The following CLCN3 variants were observed in gnomAD, a reference collection of about 807,000 sequenced individuals.
CLCN3 encodes Cl-/H+ antiporter 3, also known as H(+)/Cl(-) exchange transporter 3.
A neutral mutation model predicts 83.4 loss-of-function variants in CLCN3; 16 were observed. The observed-to-expected ratio is 0.19, with a 90% confidence interval of 0.13 to 0.29. The LOEUF is 0.29. CLCN3 is among the 10% of genes least tolerant of loss of function. The probability of loss-of-function intolerance (pLI) is 1.00; values close to 1 mark genes in which losing one functional copy is unlikely to be tolerated. For synonymous variants in CLCN3, 322 were observed against 346.2 expected (o/e 0.93, Z 0.78); for missense variants, 544 against 1,006.0 (o/e 0.54, Z 6.21).
chr4:169,636,056 A>G lies in CLCN3; in HGVS notation c.128A>G (p.Asp43Gly), dbSNP rs1347716008. 1 of 1,612,824 alleles carries G rather than the reference A, an allele frequency of 6.2e-7. No individual in the cohort carries two copies. The highest frequency in any genetic ancestry group is 1.3e-5 in the African/African-American group (1 of 74,872). Residue 43 changes from aspartate (D) to glycine (G), a missense_variant, in exon 2 of 13, where the codon GAT (aspartate) becomes GGT (glycine). By Grantham distance (94) the Asp-to-Gly change is moderately conservative (BLOSUM62 -1). Coordinates refer to ENST00000513761, the MANE Select transcript of CLCN3 (RefSeq NM_001829.4). ...ATTATGGACTTTCAAACATCTGAAG[A>G]TGACAATTTATTAGATGGTGACACT... ...GVIMDFQTSE[D>G]DNLLDGDTAV...
intron 12 of CLCN3, among the ~76,000 whole-genome samples, chr4:169,718,967 A>G (rs1438736533): frequency 6.6e-6 from 1 of 152,220 alleles, no homozygotes; most frequent in African/African-American, 2.4e-5. Flanking sequence ...CCTGGCCTAA[A>G]TCAAAAAAAG....
intron 2 of CLCN3, among the ~76,000 whole-genome samples, chr4:169,654,047 T>C (rs551440736): frequency 6.6e-6 from 1 of 152,260 alleles, no homozygotes; most frequent in South Asian, 2.1e-4. Context: ...AAAACAATTT[T>C]TTACCCACTC....
chr4:169,666,999 G>T (rs1731267259), intron 2 of CLCN3, among the ~76,000 whole-genome samples: 1 of 152,166 alleles, frequency 6.6e-6, no homozygotes, highest in African/African-American at 2.4e-5. Context: ...ACATGGGAAA[G>T]ATTATTTTAA....
chr4:169,723,013 AT>A lies in CLCN3; in HGVS notation c.*3018del. 1 of 152,272 alleles carries A rather than the reference AT, an allele frequency of 6.6e-6. No homozygotes were observed. The highest frequency in any genetic ancestry group is 1.9e-4 in the East Asian group (1 of 5,184). 9.4% of individuals were successfully genotyped at this position (152,272 alleles called of 1,614,324 possible). A position where few individuals can be genotyped will look rare whatever the true frequency, so the allele number is the denominator to read the frequency against. ...GTGTCAGCATCTCTTCTTCTTAATA[AT>A]TAATTGTTTTCAGTTTTGGTTCACG... On this transcript the variant is annotated 3_prime_UTR_variant, in exon 13 of 13. Transcript: ENST00000513761.
At chr4:169,699,754 TG>T (rs748821316) in intron 9 of CLCN3, among the ~76,000 whole-genome samples, 4 of 151,810 alleles carry the variant, frequency 2.6e-5, no homozygotes, top group Non-Finnish European at 4.4e-5. Flanking sequence ...TGGTGGCAGG[TG>T]TCTGTAATCC....
chr4:169,624,507 G>A (rs1380593132), intron 1 of CLCN3, among the ~76,000 whole-genome samples: 1 of 152,090 alleles, frequency 6.6e-6, no homozygotes, highest in Non-Finnish European at 1.5e-5. Context: ...GACCTCATGT[G>A]ATCTGCCCAC....
intron 11 of CLCN3, among the ~76,000 whole-genome samples, chr4:169,708,383 T>C (rs1371530944): frequency 1.3e-5 from 2 of 152,160 alleles, no homozygotes; most frequent in Non-Finnish European, 2.9e-5. Flanking sequence ...GCTACAGCTT[T>C]GGATTTTTCA....
intron 2 of CLCN3, among the ~76,000 whole-genome samples, chr4:169,642,043 A>C (rs1730428762): frequency 6.6e-6 from 1 of 152,246 alleles, no homozygotes; most frequent in Admixed American, 6.5e-5. Flanking sequence ...TAAAATGTAG[A>C]TATGAGACCA....
At chr4:169,705,552 C>A (rs539586485) in intron 10 of CLCN3, among the ~76,000 whole-genome samples, 1 of 152,184 alleles carries the variant, frequency 6.6e-6, no homozygotes, top group Admixed American at 6.5e-5. Flanking sequence ...AGATAAAATG[C>A]ATGCAAAACT....
intron 1 of CLCN3, among the ~76,000 whole-genome samples, chr4:169,624,243 C>T (rs1773174819): frequency 1.3e-5 from 2 of 152,048 alleles, no homozygotes; most frequent in African/African-American, 4.8e-5. Flanking sequence ...AAGCGATTCT[C>T]ATGCCTCAGC....
chr4:169,671,679 C>T (rs753461430), intron 2 of CLCN3, among the ~76,000 whole-genome samples: 4 of 152,080 alleles, frequency 2.6e-5, no homozygotes, highest in African/African-American at 9.7e-5. Context: ...ACTGTAATAT[C>T]GAATCGTGTT....
At chr4:169,689,311 A>AT in intron 5 of CLCN3, 81 bp downstream of exon 5, 1 of 1,208,772 alleles carries the variant, frequency 8.3e-7, no homozygotes, top group Non-Finnish European at 1.2e-6. Flanking sequence ...AGAACTAATC[A>AT]CATATTAGAT....
Position 169,720,824 on chromosome 4 carries a change from T to G in CLCN3, c.*827T>G, listed in dbSNP as rs1733611284. On this transcript the variant is annotated 3_prime_UTR_variant, in exon 13 of 13. Coordinates refer to ENST00000513761, the MANE Select transcript of CLCN3 (RefSeq NM_001829.4). ...CCGTGTGGCTCAAAACCGAAAACAA[T>G]GAAGCTTGGTTTTAAAGGATAAAGT... The G allele has an allele frequency of 6.6e-6, 1 of 152,572 alleles. No homozygotes were observed. The highest frequency in any genetic ancestry group is 1.5e-5 in the Non-Finnish European group (1 of 68,018). The allele number at this position is 152,572 out of a possible 1,614,324, so 9.5% of individuals were successfully genotyped here. A position where few individuals can be genotyped will look rare whatever the true frequency, so the allele number is the denominator to read the frequency against.
chr4:169,702,488 ATAGT>A (rs534101816), intron 9 of CLCN3, among the ~76,000 whole-genome samples: 117 of 152,298 alleles, frequency 7.7e-4, no homozygotes, highest in African/African-American at 2.7e-3. Flanking sequence ...TGGGCTTAAA[ATAGT>A]TAGTAAACCA....
chr4:169,635,511 T>C (rs1415897898), intron 1 of CLCN3, among the ~76,000 whole-genome samples: 1 of 152,180 alleles, frequency 6.6e-6, no homozygotes, highest in East Asian at 1.9e-4. Context: ...AATCAGGTTG[T>C]ACTTACACCT....
intron 3 of CLCN3, chr4:169,680,520 G>C (rs535023358): frequency 1.2e-4 from 26 of 221,922 alleles, no homozygotes; most frequent in Non-Finnish European, 1.8e-4. Flanking sequence ...TCCAGATATG[G>C]AGGTCAGCAT....
intron 2 of CLCN3, among the ~76,000 whole-genome samples, chr4:169,668,210 C>T (rs1437776330): frequency 6.6e-6 from 1 of 151,688 alleles, no homozygotes; most frequent in Non-Finnish European, 1.5e-5. Flanking sequence ...GAGATGAGAT[C>T]TCACTGTGTT....
At chr4:169,644,795 T>C (rs1328752333) in intron 2 of CLCN3, among the ~76,000 whole-genome samples, 1 of 152,222 alleles carries the variant, frequency 6.6e-6, no homozygotes. Context: ...CTGGATTATC[T>C]GGGTATCTCT....
chr4:169,720,371 C>T lies in CLCN3; in HGVS notation c.*374C>T, dbSNP rs1021626521. 12 of 242,734 alleles carry T rather than the reference C, an allele frequency of 4.9e-5. No individual in the cohort carries two copies. Among genetic ancestry groups the T allele is most frequent in the African/African-American group, 2.2e-4 (10 of 44,618 alleles). 15.0% of individuals were successfully genotyped at this position (242,734 alleles called of 1,614,324 possible). A position where few individuals can be genotyped will look rare whatever the true frequency, so the allele number is the denominator to read the frequency against. On this transcript the variant is annotated 3_prime_UTR_variant, in exon 13 of 13. Coordinates refer to ENST00000513761, the MANE Select transcript of CLCN3 (RefSeq NM_001829.4). ...GCCTGTTGCTCCAACATTGCAAAGACACATTATCAGTCCCTATTTCTAGAG... is the reference window on the plus strand; with the variant it reads ...GCCTGTTGCTCCAACATTGCAAAGATACATTATCAGTCCCTATTTCTAGAG...
Sources: gnomAD v4.1 joint callset for allele counts (sites outside exome capture counted in the v4.1 genomes callset) on GRCh38, gnomAD v4.1.1 for gene constraint, MANE v1.5 for transcripts, NCBI Gene and HGNC (gene_info 2026-07-23, HGNC 2026-07-21) for gene names.